Variants in SLC7A7 observed in about 807,000 individuals in gnomAD.
SLC7A7 encodes solute carrier family 7 member 7.
Under a neutral mutation model 47.9 loss-of-function variants are expected in SLC7A7, and 39 were observed. The observed-to-expected ratio is 0.81, with a 90% CI of 0.63 to 1.06. The LOEUF (loss-of-function observed/expected upper bound fraction) is 1.06, where lower values mean the gene tolerates loss of function less well. SLC7A7 is among the 50% of genes least tolerant of loss of function. SLC7A7 has a pLI of 0.00. For synonymous variants in SLC7A7, 234 were observed against 242.8 expected (o/e 0.96, Z 0.34); for missense variants, 588 against 632.0 (o/e 0.93, Z 0.75).
chr14:22,808,945 C>A (rs985946332), intron 2 of SLC7A7, among the ~76,000 whole-genome samples: 1 of 152,162 alleles, frequency 6.6e-6, no homozygotes, highest in Admixed American at 6.5e-5. Flanking sequence ...AATCTCATTC[C>A]ATTCTCACAA....
rs1805061 is a variant in SLC7A7, at chr14:22,778,903, A to G, written c.660T>C (p.Gly220=). The change falls in exon 4 of 10, where the codon GGT becomes GGC. Residue 220 remains glycine, a synonymous_variant. Coordinates refer to ENST00000674313, the MANE Select transcript of SLC7A7 (RefSeq NM_003982.4). ...ASTHFENSFE[G]SSFAVGDIAL... ...CAATGTCACCCACTGCAAATGATGA[A>G]CCCTCAAAGGAATTCTCAAAATGAG... is the stretch of plus-strand genomic sequence containing the variant. The G allele has an allele frequency of 0.15, 241,745 of 1,613,810 alleles. 20,802 individuals are homozygous for G. Among genetic ancestry groups the G allele is most frequent in the Admixed American group, 0.32 (19,234 of 59,980 alleles).
At chr14:22,783,636 G>T (rs2038761149) in intron 2 of SLC7A7, among the ~76,000 whole-genome samples, 1 of 151,138 alleles carries the variant, frequency 6.6e-6, no homozygotes, top group South Asian at 2.1e-4. Context: ...CCTGACCTCA[G>T]GTGATCCGCC....
chr14:22,788,520 T>C (rs529547782), intron 2 of SLC7A7, among the ~76,000 whole-genome samples: 26 of 150,878 alleles, frequency 1.7e-4, no homozygotes, highest in East Asian at 1.2e-3. Flanking sequence ...CTGGCCAACA[T>C]GGTGAAACCC....
chr14:22,802,263 C>A (rs998743001), intron 2 of SLC7A7, among the ~76,000 whole-genome samples: 1 of 151,974 alleles, frequency 6.6e-6, no homozygotes. Flanking sequence ...ATTAGCAGGG[C>A]GGGGTGACAT....
intron 2 of SLC7A7, among the ~76,000 whole-genome samples, chr14:22,793,375 C>G (rs1457227275): frequency 6.6e-6 from 1 of 152,170 alleles, no homozygotes; most frequent in African/African-American, 2.4e-5. Context: ...TATTCATTCC[C>G]AGGCATAGGC....
At chr14:22,775,305 C>A (rs1484966287) in intron 7 of SLC7A7, 139 bp downstream of exon 7, 2 of 786,506 alleles carry the variant, frequency 2.5e-6, no homozygotes, top group Non-Finnish European at 4.5e-6. Flanking sequence ...GTGCCTTGCC[C>A]GTGGTGAACA....
chr14:22,793,106 A>G (rs1467350248), intron 2 of SLC7A7, among the ~76,000 whole-genome samples: 2 of 151,350 alleles, frequency 1.3e-5, no homozygotes, highest in Non-Finnish European at 2.9e-5. Context: ...TTTAGTAGAG[A>G]CAGGGTTTCA....
At chr14:22,801,197 CTATT>C (rs1353711377) in intron 2 of SLC7A7, among the ~76,000 whole-genome samples, 1 of 152,162 alleles carries the variant, frequency 6.6e-6, no homozygotes, top group African/African-American at 2.4e-5. Flanking sequence ...TGCCTTGACT[CTATT>C]TACCTCTGCA....
chr14:22,813,593 C>A (rs2039358541), intron 1 of SLC7A7, among the ~76,000 whole-genome samples, 153 bp from the exon 2 acceptor site: 1 of 152,128 alleles, frequency 6.6e-6, no homozygotes, highest in Admixed American at 6.6e-5. Context: ...AAAACAACCC[C>A]AACTTGAATA....
At chr14:22,774,643 A>T in intron 7 of SLC7A7, 140 bp from the exon 8 acceptor site, 1 of 1,097,790 alleles carries the variant, frequency 9.1e-7, no homozygotes, top group Non-Finnish European at 1.4e-6. Context: ...TCCCTTTAAC[A>T]CCCTAGTTTC....
intron 2 of SLC7A7, among the ~76,000 whole-genome samples, chr14:22,799,857 A>G (rs368321881): frequency 6.6e-6 from 1 of 152,120 alleles, no homozygotes. Flanking sequence ...TCAACCACCT[A>G]CTGGACATTA....
At chr14:22,807,536 T>C (rs1829912787) in intron 2 of SLC7A7, among the ~76,000 whole-genome samples, 1 of 152,112 alleles carries the variant, frequency 6.6e-6, no homozygotes, top group African/African-American at 2.4e-5. Flanking sequence ...ACTGCACTCC[T>C]GCCTGGGCGA....
chr14:22,787,264 C>T (rs944009285), intron 2 of SLC7A7, among the ~76,000 whole-genome samples: 1 of 151,574 alleles, frequency 6.6e-6, no homozygotes, highest in Non-Finnish European at 1.5e-5. Flanking sequence ...AGTGAAACCC[C>T]GTCTCTACTA....
intron 2 of SLC7A7, among the ~76,000 whole-genome samples, chr14:22,781,020 G>GA (rs142157145): frequency 0.035 from 5,253 of 150,966 alleles, 309 homozygotes; most frequent in African/African-American, 0.12. Flanking sequence ...AAGAAAGTTG[G>GA]AAAAAAAAAT....
chr14:22,788,576 C>T (rs1436187269), intron 2 of SLC7A7, among the ~76,000 whole-genome samples: 9 of 149,710 alleles, frequency 6.0e-5, no homozygotes, highest in South Asian at 2.1e-4. Flanking sequence ...TGGTGGCGGG[C>T]ACCTGTCATC....
At chr14:22,787,966 G>A (rs1359714717) in intron 2 of SLC7A7, among the ~76,000 whole-genome samples, 7 of 150,988 alleles carry the variant, frequency 4.6e-5, no homozygotes, top group Non-Finnish European at 7.4e-5. Flanking sequence ...CCAGCTACTC[G>A]GGAGGCTGAG....
Position 22,774,640 on chromosome 14 carries a change from A to G in SLC7A7, c.1096-137T>C, listed in dbSNP as rs574582444. Reference sequence around the variant, plus strand: ...GTCCTCTTCTGGTTTTAATCCCTTTAACACCCTAGTTTCAGTACCTTATCC... The same window carrying G: ...GTCCTCTTCTGGTTTTAATCCCTTTGACACCCTAGTTTCAGTACCTTATCC... On this transcript the variant is annotated intron_variant, in intron 7 of 9. Coordinates refer to ENST00000674313, the MANE Select transcript of SLC7A7 (RefSeq NM_003982.4). The G allele has an allele frequency of 3.7e-4, 416 of 1,117,400 alleles. 1 individual carries two copies. In the African/African-American group the frequency reaches 5.9e-3, roughly 16 times the overall value. The allele number at this position is 1,117,400 out of a possible 1,614,324, so 69.2% of individuals were successfully genotyped here.
chr14:22,795,358 C>T (rs9707487), intron 2 of SLC7A7, among the ~76,000 whole-genome samples: 18,445 of 148,020 alleles, frequency 0.12, 1,428 homozygotes, highest in South Asian at 0.19. Context: ...TGTGAGCCAC[C>T]GTGCCCAATC....
intron 4 of SLC7A7, among the ~76,000 whole-genome samples, chr14:22,777,196 C>G (rs1404912363): frequency 6.6e-6 from 1 of 150,936 alleles, no homozygotes; most frequent in African/African-American, 2.4e-5. Flanking sequence ...CAAAGACTGT[C>G]CCCAGCATCA....
Sources: gnomAD v4.1 joint callset for allele counts (sites outside exome capture counted in the v4.1 genomes callset) on GRCh38, gnomAD v4.1.1 for gene constraint, MANE v1.5 for transcripts, NCBI Gene and HGNC (gene_info 2026-07-23, HGNC 2026-07-21) for gene names.